The following SV2C variants were observed in gnomAD, a reference collection of about 807,000 sequenced individuals.
SV2C encodes solute carrier family 22 member B3.
SV2C carries 49 observed loss-of-function variants against 79.7 expected under a neutral mutation model. The observed-to-expected ratio is 0.61, with a 90% CI of 0.49 to 0.78. SV2C has a LOEUF of 0.78. Ranked by LOEUF, SV2C falls within the 30% of genes least tolerant of loss-of-function variation. The pLI, the probability that SV2C is intolerant of heterozygous loss-of-function variation, is 0.00. For synonymous variants in SV2C, 334 were observed against 333.2 expected, an observed-to-expected ratio of 1.00 and a Z score of -0.03; for missense variants, 833 against 912.9, an observed-to-expected ratio of 0.91 and a Z score of 1.13.
chr5:76,312,514 A>G (rs1748483124), intron 12 of SV2C, among the ~76,000 whole-genome samples: 1 of 152,018 alleles, frequency 6.6e-6, no homozygotes, highest in Admixed American at 6.5e-5. Flanking sequence ...CGGCCTCCCA[A>G]CGTGCTGGGA....
chr5:75,899,054 G>C, the SV2C span, among the ~76,000 whole-genome samples: 1 of 152,016 alleles, frequency 6.6e-6, no homozygotes, highest in Non-Finnish European at 1.5e-5. Flanking sequence ...AGGGTTTTTT[G>C]TGTCTCTATT....
intron 3 of SV2C, among the ~76,000 whole-genome samples, chr5:76,208,040 G>A (rs977964515): frequency 7.2e-5 from 11 of 152,044 alleles, no homozygotes; most frequent in Admixed American, 4.6e-4. Context: ...GTGTGTGATG[G>A]TGCTAAATCT....
At chr5:75,967,731 C>T in the SV2C span, among the ~76,000 whole-genome samples, 337 of 152,360 alleles carry the variant, frequency 2.2e-3, 1 homozygote, top group African/African-American at 7.8e-3. Context: ...CCTCTGTAGG[C>T]TCCACCTCTG....
the SV2C span, chr5:76,076,039 A>T: frequency 6.5e-6 from 1 of 153,892 alleles, no homozygotes; most frequent in Non-Finnish European, 1.4e-5. Context: ...ACTGTAATGC[A>T]TCTATGTAGG....
At chr5:75,914,332 A>C in the SV2C span, among the ~76,000 whole-genome samples, 1 of 152,180 alleles carries the variant, frequency 6.6e-6, no homozygotes, top group South Asian at 2.1e-4. Context: ...CTACTTTTTC[A>C]TACCCATATT....
At chr5:75,978,823 A>G in the SV2C span, among the ~76,000 whole-genome samples, 18,287 of 151,964 alleles carry the variant, frequency 0.12, 3,184 homozygotes, top group African/African-American at 0.39. Context: ...GGCTGGGTGC[A>G]GTGGCTCATA....
chr5:75,921,646 G>A, the SV2C span: 4 of 756,528 alleles, frequency 5.3e-6, no homozygotes, highest in Admixed American at 5.9e-5. Context: ...TGTCCCACTG[G>A]CCAATGCGGG....
At chr5:75,997,652 C>T in the SV2C span, among the ~76,000 whole-genome samples, 1 of 152,174 alleles carries the variant, frequency 6.6e-6, no homozygotes, top group African/African-American at 2.4e-5. Context: ...TACCATCTTA[C>T]ACCAGTTAGA....
intron 6 of SV2C, among the ~76,000 whole-genome samples, chr5:76,287,896 C>G (rs1747404898): frequency 1.3e-5 from 2 of 152,188 alleles, no homozygotes; most frequent in African/African-American, 4.8e-5. Context: ...ACCATCCTGG[C>G]CAACAAGGTG....
At chr5:75,948,930 T>G in the SV2C span, among the ~76,000 whole-genome samples, 2,443 of 152,050 alleles carry the variant, frequency 0.016, 59 homozygotes, top group South Asian at 0.052. Context: ...CTGATAGAGC[T>G]TGGATATTTG....
the SV2C span, among the ~76,000 whole-genome samples, chr5:75,961,472 TACA>T: frequency 6.6e-6 from 1 of 151,994 alleles, no homozygotes; most frequent in Admixed American, 6.6e-5. Context: ...AGAATGTTTT[TACA>T]ACAATGTAAT....
At chr5:75,921,531 A>C in the SV2C span, 1 of 817,736 alleles carries the variant, frequency 1.2e-6, no homozygotes, top group Middle Eastern at 2.2e-4. Context: ...ATCTCTGGGG[A>C]GATGATTGAA....
At chr5:76,188,225 C>T (rs1348072714) in intron 2 of SV2C, among the ~76,000 whole-genome samples, 4 of 152,194 alleles carry the variant, frequency 2.6e-5, no homozygotes. Context: ...CATGCCCCTG[C>T]ACTCTAACCT....
the SV2C span, among the ~76,000 whole-genome samples, chr5:76,012,397 CA>C: frequency 6.6e-6 from 1 of 152,068 alleles, no homozygotes; most frequent in Non-Finnish European, 1.5e-5. Flanking sequence ...GTTGGCCACA[CA>C]AATGTCTTCT....
chr5:76,273,478 GA>G (rs546326737), intron 4 of SV2C, among the ~76,000 whole-genome samples: 26 of 149,720 alleles, frequency 1.7e-4, no homozygotes, highest in African/African-American at 6.1e-4. Flanking sequence ...AGATATTCCA[GA>G]AAAAAAAATG....
the SV2C span, among the ~76,000 whole-genome samples, chr5:75,997,984 A>G: frequency 6.6e-6 from 1 of 151,586 alleles, no homozygotes; most frequent in African/African-American, 2.4e-5. Context: ...AATGTGGTAC[A>G]TATACACCAT....
intron 2 of SV2C, among the ~76,000 whole-genome samples, chr5:76,152,546 C>T (rs1318188288): frequency 6.6e-6 from 1 of 152,094 alleles, no homozygotes; most frequent in Non-Finnish European, 1.5e-5. Flanking sequence ...TTACAAGTAC[C>T]TCTGGATTAA....
chr5:75,900,869 G>T, the SV2C span, among the ~76,000 whole-genome samples: 1 of 152,024 alleles, frequency 6.6e-6, no homozygotes, highest in Non-Finnish European at 1.5e-5. Context: ...TCTTCCAGTT[G>T]ATCACATCAG....
intron 1 of SV2C, among the ~76,000 whole-genome samples, chr5:76,126,508 T>A (rs182862567): frequency 1.3e-5 from 2 of 152,276 alleles, no homozygotes; most frequent in Non-Finnish European, 2.9e-5. Context: ...GAAGGAGTCC[T>A]TTGTAGCCCA....
Sources: allele counts gnomAD v4.1 joint callset (sites outside exome capture counted in the v4.1 genomes callset), GRCh38; gene constraint gnomAD v4.1.1; transcripts MANE v1.5; gene names NCBI Gene and HGNC (gene_info 2026-07-23, HGNC 2026-07-21).